SF3B1: variants seen among roughly 807,000 people sequenced by gnomAD.
The protein encoded by SF3B1 is splicing factor 3b subunit 1.
SF3B1 carries 12 observed loss-of-function variants against 153.8 expected under a neutral mutation model. The ratio of observed to expected loss-of-function variants is 0.08; its 90% CI spans 0.05 to 0.13. The LOEUF (loss-of-function observed/expected upper bound fraction) is 0.13, where lower values mean the gene tolerates loss of function less well. Among genes scored for constraint, SF3B1 ranks in the 10% least tolerant of loss-of-function variants. The probability of loss-of-function intolerance (pLI) is 1.00; values close to 1 mark genes in which losing one functional copy is unlikely to be tolerated. For synonymous variants in SF3B1, 498 were observed against 525.2 expected, an observed-to-expected ratio of 0.95 and a Z score of 0.71; for missense variants, 513 against 1,606.1, an observed-to-expected ratio of 0.32 and a Z score of 11.63.
In SF3B1 at chr2:197,402,169, T is replaced by C. The variant is rs774217632; in HGVS notation, c.2078-39A>G. ...CACAGGTTTTAACTATGCCCCAACA[T>C]TACCTAAGTTACACAATATCATCCA... On this transcript the variant is annotated intron_variant, in intron 14 of 24. Transcript: ENST00000335508. The surrounding 1 kb of genome is among the most constrained non-coding windows in gnomAD (Gnocchi z 4.6). The C allele has an allele frequency of 6.4e-6, 10 of 1,566,480 alleles. No individual in the cohort carries two copies. The highest frequency in any genetic ancestry group is 8.7e-6 in the Non-Finnish European group (10 of 1,155,604).
rs749803503 is a variant in SF3B1 at position 197,407,990 on chromosome 2, T to C, written c.1239+8A>G. On this transcript the variant is annotated splice_region_variant and intron_variant, in intron 9 of 24. Transcript: ENST00000335508. ...TAAATACCACCTCATTCAAATTTGA[T>C]GTACTACCTTATATCCTTCTGGGAA... The C allele has an allele frequency of 2.5e-6, 4 of 1,608,834 alleles. No individual in the cohort carries two copies. Among genetic ancestry groups the C allele is most frequent in the Admixed American group, 1.7e-5 (1 of 59,412 alleles).
chr2:197,402,973 T>C lies in SF3B1; in HGVS notation c.1782A>G (p.Arg594=). The change falls in exon 13 of 25, where the codon CGA becomes CGG. Residue 594 remains arginine (R), a synonymous_variant. Coordinates refer to ENST00000335508, the MANE Select transcript of SF3B1 (RefSeq NM_012433.4). The surrounding 1 kb of genome is among the most constrained non-coding windows in gnomAD (Gnocchi z 4.6). ...DEDYYARVEG[R]EIISNLAKAA... is the part of the protein sequence containing the mutation. ...CCTTTGCCAAATTAGAAATGATCTC[T>C]CGGCCTTCCACTCTAGCATAGTAAT... 1 of 1,613,948 alleles carries C rather than the reference T, an allele frequency of 6.2e-7. No homozygotes were observed. Among genetic ancestry groups the C allele is most frequent in the Non-Finnish European group, 8.5e-7 (1 of 1,179,878 alleles).
chr2:197,406,070 T>A (rs938296750), intron 9 of SF3B1, among the ~76,000 whole-genome samples: 3 of 140,832 alleles, frequency 2.1e-5, no homozygotes, highest in Non-Finnish European at 3.1e-5. Context: ...AGGCTGAAAA[T>A]CACAAAGAAA....
rs773585444 is a variant in SF3B1 at position 197,400,051 on chromosome 2, A to G, written c.3013+4T>C. The G allele has an allele frequency of 6.4e-7, 1 of 1,570,124 alleles. No homozygotes were observed. Among genetic ancestry groups the G allele is most frequent in the South Asian group, 1.1e-5 (1 of 87,660 alleles). ...AAGTCTTATGTAACCAGCAAATTCC[A>G]TACCTATGACATTTACAATGGCCTT... is the stretch of plus-strand genomic sequence containing the variant. On this transcript the variant is annotated splice_donor_region_variant and intron_variant, in intron 20 of 24. Coordinates refer to ENST00000335508, the MANE Select transcript of SF3B1 (RefSeq NM_012433.4). This position sits in a 1 kb window ranked among gnomAD's most constrained non-coding sequence, Gnocchi z 5.0.
In SF3B1 at chr2:197,403,091, C is replaced by T. The variant is rs1455480494; in HGVS notation, c.1720-56G>A. 2.2e-5 allele frequency: 27 copies of T among 1,243,812 alleles called. No homozygotes were observed. The East Asian group carries it at 5.4e-4, about 25-fold the overall frequency. The allele number at this position is 1,243,812 out of a possible 1,614,324, so 77.0% of individuals were successfully genotyped here. A position where few individuals can be genotyped will look rare whatever the true frequency, so the allele number is the denominator to read the frequency against. Reference sequence around the variant, plus strand: ...TTTCACATCAATTACTGATGAAATGCTCATGTACAGAATTAAACATACATA... The same window carrying T: ...TTTCACATCAATTACTGATGAAATGTTCATGTACAGAATTAAACATACATA... On this transcript the variant is annotated intron_variant, in intron 12 of 24. Transcript: ENST00000335508.
intron 9 of SF3B1, 41 bp downstream of exon 9, chr2:197,407,957 G>A (rs1445934422): frequency 8.9e-6 from 14 of 1,567,176 alleles, no homozygotes; most frequent in Admixed American, 1.7e-5. Flanking sequence ...TAAAATAAAT[G>A]TATATCCTAA....
intron 22 of SF3B1, 43 bp from the exon 23 acceptor site, chr2:197,396,371 CA>C (rs35233205): frequency 6.6e-7 from 1 of 1,517,282 alleles, no homozygotes; most frequent in Non-Finnish European, 8.9e-7. Flanking sequence ...CATTATAAGT[CA>C]AAAATTTATG....
rs1261996759 is a variant in SF3B1, at chr2:197,421,117, G to A, written c.212C>T (p.Ser71Leu). Residue 71 changes from serine to leucine, a missense_variant, in exon 3 of 25, where the codon TCA (serine) becomes TTA (leucine). Physicochemically the swap from Ser to Leu is moderately radical, Grantham distance 145. Coordinates refer to ENST00000335508, the MANE Select transcript of SF3B1 (RefSeq NM_012433.4). ...CTGACCAAGCAAACTCGTAGATGAT[G>A]AATAGTCATCGTCATCCTGCAATGA... ...TELEDDDDDY[S>L]SSTSLLGQKK... is the part of the protein sequence containing the mutation. 1.2e-6 allele frequency: 2 copies of A among 1,610,780 alleles called. No individual in the cohort carries two copies. The highest frequency in any genetic ancestry group is 1.7e-6 in the Non-Finnish European group (2 of 1,177,530).
chr2:197,409,656 C>T (rs1271544200), intron 7 of SF3B1, 114 bp downstream of exon 7: 2 of 838,902 alleles, frequency 2.4e-6, no homozygotes, highest in East Asian at 2.4e-5. Flanking sequence ...AATCTGTCCC[C>T]CAAAAGCAGC....
chr2:197,410,443 T>C (rs1411067248), intron 6 of SF3B1, among the ~76,000 whole-genome samples: 1 of 152,068 alleles, frequency 6.6e-6, no homozygotes, highest in Non-Finnish European at 1.5e-5. Context: ...GTCCTGTTGA[T>C]GTTTTGTTTA....
rs542277882 is a variant in SF3B1, at chr2:197,412,835, G to C, written c.667-2828C>G. On this transcript the variant is annotated intron_variant, in intron 6 of 24. Transcript: ENST00000335508. ...CCCTGTCTCTACTAAAAGTTAGCCA[G>C]GCGTGGTGGCAGGCACCTGTAATCC... 8.2e-4 allele frequency among the ~76,000 whole-genome samples: 123 copies of C among 149,838 alleles called. 1 individual carries two copies. The highest frequency in any genetic ancestry group is 1.4e-3 in the Non-Finnish European group (91 of 67,290).
chr2:197,404,405 C>G (rs2084966758), intron 11 of SF3B1, among the ~76,000 whole-genome samples: 1 of 151,990 alleles, frequency 6.6e-6, no homozygotes, highest in African/African-American at 2.4e-5. Context: ...CATGGTGAAA[C>G]CCCGTTTCTA....
chr2:197,418,934 AAGC>A, intron 4 of SF3B1: 3 of 1,601,494 alleles, frequency 1.9e-6, no homozygotes, highest in African/African-American at 1.3e-5. Context: ...TTCTGACTTC[AAGC>A]AGCAGAATAG....
At position 197,390,661 on chromosome 2, in the gene SF3B1, G is replaced by C. The variant is rs1175315956; in HGVS notation, c.*1642C>G. 2.7e-5 allele frequency: 4 copies of C among 149,866 alleles called. No homozygotes were observed. Among genetic ancestry groups the C allele is most frequent in the African/African-American group, 9.9e-5 (4 of 40,474 alleles). The allele number at this position is 149,866 out of a possible 1,614,324, so 9.3% of individuals were successfully genotyped here. A position where few individuals can be genotyped will look rare whatever the true frequency, so the allele number is the denominator to read the frequency against. On this transcript the variant is annotated 3_prime_UTR_variant, in exon 25 of 25. Transcript: ENST00000335508. ...TCTCTGTCGCCCAGGCTGGAGTGTAGCAGCGCTATCTCGGCTCACTGCAAG... is the reference window on the plus strand; with the variant it reads ...TCTCTGTCGCCCAGGCTGGAGTGTACCAGCGCTATCTCGGCTCACTGCAAG...
intron 6 of SF3B1, 33 bp from the exon 7 acceptor site, chr2:197,410,040 C>G: frequency 7.3e-7 from 1 of 1,363,224 alleles, no homozygotes; most frequent in Non-Finnish European, 1.0e-6. Context: ...ATTTCACACA[C>G]CCACACAGAA....
At chr2:197,433,783 C>T (rs1463394554) in intron 1 of SF3B1, among the ~76,000 whole-genome samples, 4 of 152,218 alleles carry the variant, frequency 2.6e-5, no homozygotes, top group African/African-American at 9.6e-5. Flanking sequence ...TGGACTACTA[C>T]TCAAACACAC....
At chr2:197,427,742 C>T (rs967984693) in intron 1 of SF3B1, among the ~76,000 whole-genome samples, 2 of 152,128 alleles carry the variant, frequency 1.3e-5, no homozygotes, top group African/African-American at 2.4e-5. Flanking sequence ...TAATCTGGGC[C>T]GGGCATGGTG....
chr2:197,395,380 G>T (rs911408000), intron 23 of SF3B1, among the ~76,000 whole-genome samples: 6 of 152,172 alleles, frequency 3.9e-5, no homozygotes, highest in Non-Finnish European at 8.8e-5. Context: ...ACTTAAATCT[G>T]TACACAAAAG....
chr2:197,435,084 G>T, upstream of SF3B1: 1 of 1,596,884 alleles, frequency 6.3e-7, no homozygotes, highest in Non-Finnish European at 8.6e-7. Flanking sequence ...ATAGCTGGGG[G>T]CTGCACTCTG....
Sources: allele counts gnomAD v4.1 joint callset (sites outside exome capture counted in the v4.1 genomes callset), GRCh38; gene constraint gnomAD v4.1.1; non-coding constraint Gnocchi (gnomAD v3.1); transcripts MANE v1.5; gene names NCBI Gene and HGNC (gene_info 2026-07-23, HGNC 2026-07-21).